The following ATP6V0D1 variants were observed in gnomAD, a reference collection of about 807,000 sequenced individuals.
ATP6V0D1 encodes the protein V-type proton ATPase subunit d 1.
A neutral mutation model predicts 39.0 loss-of-function variants in ATP6V0D1; 13 were observed. The ratio of observed to expected loss-of-function variants is 0.33; its 90% confidence interval spans 0.22 to 0.53. ATP6V0D1 has a LOEUF of 0.53. ATP6V0D1 is among the 20% of genes least tolerant of loss of function. The probability of loss-of-function intolerance (pLI) is 0.94; values close to 1 mark genes in which losing one functional copy is unlikely to be tolerated. For missense variants in ATP6V0D1, 272 were observed against 470.9 expected, an observed-to-expected ratio of 0.58 and a Z score of 3.91; for synonymous variants, 191 against 191.2, an observed-to-expected ratio of 1.00 and a Z score of 0.01.
At chr16:67,445,243 C>G (rs367954965) in intron 2 of ATP6V0D1, among the ~76,000 whole-genome samples, 1 of 152,192 alleles carries the variant, frequency 6.6e-6, no homozygotes, top group East Asian at 1.9e-4. Flanking sequence ...CAGCACGGGG[C>G]TGCAGCAGGC....
chr16:67,464,343 T>TA (rs572884951), intron 1 of ATP6V0D1, among the ~76,000 whole-genome samples: 18 of 152,132 alleles, frequency 1.2e-4, no homozygotes, highest in African/African-American at 4.3e-4. Context: ...TCAAAGAACA[T>TA]AGAGTGATTG....
chr16:67,459,283 T>A (rs552548003), intron 1 of ATP6V0D1: 1 of 985,306 alleles, frequency 1.0e-6, no homozygotes, highest in Non-Finnish European at 1.2e-6. Flanking sequence ...ACCCCCAGCC[T>A]GGAAAGTGAG....
chr16:67,477,675 GTT>G (rs201598029), intron 1 of ATP6V0D1, among the ~76,000 whole-genome samples: 9 of 147,844 alleles, frequency 6.1e-5, no homozygotes, highest in African/African-American at 2.2e-4. Context: ...ATAATAAACA[GTT>G]TTTTTTTTTT....
intron 1 of ATP6V0D1, among the ~76,000 whole-genome samples, chr16:67,457,965 C>T (rs1003925643): frequency 4.6e-5 from 7 of 152,148 alleles, no homozygotes; most frequent in African/African-American, 1.7e-4. Context: ...CCCCCAGGGA[C>T]GATGTCAAAG....
chr16:67,461,969 GA>G (rs1033582033), intron 1 of ATP6V0D1, among the ~76,000 whole-genome samples: 4 of 152,196 alleles, frequency 2.6e-5, no homozygotes. Flanking sequence ...CTGGGAGGAT[GA>G]AAGCATTTCT....
At chr16:67,473,228 G>C (rs902418363) in intron 1 of ATP6V0D1, among the ~76,000 whole-genome samples, 5 of 152,134 alleles carry the variant, frequency 3.3e-5, no homozygotes, top group Non-Finnish European at 4.4e-5. Context: ...GCTGGGGGGG[G>C]TGGCGCAGCA....
chr16:67,473,383 CT>C (rs1264255761), intron 1 of ATP6V0D1, among the ~76,000 whole-genome samples: 1 of 152,014 alleles, frequency 6.6e-6, no homozygotes, highest in African/African-American at 2.4e-5. Flanking sequence ...GAGTCTTACT[CT>C]GTCACCCAGG....
In ATP6V0D1 at chr16:67,480,943, C is replaced by T. The variant is rs758906889; in HGVS notation, c.130+14G>A. ...GGACAGCCTCTATCCCCGCCTTTCG[C>T]GGCCCCGGCTCACCCTCTAGCGTCT... On this transcript the variant is annotated intron_variant, in intron 1 of 7. Transcript: ENST00000290949. The T allele has an allele frequency of 6.2e-7, 1 of 1,613,382 alleles. No individual in the cohort carries two copies. The highest frequency in any genetic ancestry group is 1.1e-5 in the South Asian group (1 of 91,042).
At chr16:67,443,273 A>C in intron 3 of ATP6V0D1, 95 bp from the exon 4 acceptor site, 1 of 1,311,664 alleles carries the variant, frequency 7.6e-7, no homozygotes, top group Non-Finnish European at 1.1e-6. Context: ...CCCGTGCCAC[A>C]AGGCCCACAG....
chr16:67,439,494 C>A, intron 4 of ATP6V0D1, 143 bp from the exon 5 acceptor site: 1 of 730,508 alleles, frequency 1.4e-6, no homozygotes, highest in South Asian at 1.7e-5. Flanking sequence ...CCGGGGCAGC[C>A]CTTACAGCAA....
chr16:67,459,138 G>A, intron 1 of ATP6V0D1: 1 of 985,544 alleles, frequency 1.0e-6, no homozygotes, highest in East Asian at 1.1e-4. Context: ...TTGCTGGCCA[G>A]AGTGACCTTC....
At chr16:67,452,892 G>A (rs1188571888) in intron 2 of ATP6V0D1, among the ~76,000 whole-genome samples, 1 of 152,220 alleles carries the variant, frequency 6.6e-6, no homozygotes, top group African/African-American at 2.4e-5. Flanking sequence ...CCAAGGGTCA[G>A]ACAATGAAGA....
chr16:67,475,399 A>G (rs950465328), intron 1 of ATP6V0D1, among the ~76,000 whole-genome samples: 2 of 152,250 alleles, frequency 1.3e-5, no homozygotes, highest in African/African-American at 2.4e-5. Flanking sequence ...AAGAGATGTA[A>G]TGGACAGAAG....
intron 2 of ATP6V0D1, among the ~76,000 whole-genome samples, chr16:67,445,596 C>T (rs535715100): frequency 1.3e-5 from 2 of 152,322 alleles, no homozygotes; most frequent in Admixed American, 1.3e-4. Context: ...TGGATAAGAC[C>T]CAGAGACCTG....
In ATP6V0D1 at chr16:67,438,683, G is replaced by A; in HGVS notation, c.901C>T (p.Leu301=). Residue 301 remains leucine, a synonymous_variant, in exon 8 of 8, where the codon CTG becomes TTG. Coordinates refer to ENST00000290949, the MANE Select transcript of ATP6V0D1 (RefSeq NM_004691.5). ...EDRFFEHEVK[L]NKLAFLNQFH... ...TGGTTCAGGAAGGCCAACTTGTTCA[G>A]CTTTACCTGTGGACACGGGCAGATG... The A allele has an allele frequency of 6.2e-7, 1 of 1,614,232 alleles. No homozygotes were observed.
intron 1 of ATP6V0D1, among the ~76,000 whole-genome samples, chr16:67,479,213 A>T (rs993263320): frequency 1.2e-4 from 17 of 142,410 alleles, no homozygotes; most frequent in African/African-American, 4.4e-4. Context: ...TGTACTGCCG[A>T]TTTTTTTTTT....
At chr16:67,474,721 C>T (rs923091192) in intron 1 of ATP6V0D1, among the ~76,000 whole-genome samples, 2 of 152,102 alleles carry the variant, frequency 1.3e-5, no homozygotes, top group South Asian at 2.1e-4. Context: ...GTGGACACAC[C>T]GCTATCTCAA....
intron 1 of ATP6V0D1, among the ~76,000 whole-genome samples, chr16:67,460,705 G>A (rs1386448382): frequency 6.6e-6 from 1 of 151,954 alleles, no homozygotes; most frequent in Non-Finnish European, 1.5e-5. Context: ...CCGGAACCTT[G>A]GCACTATCAC....
intron 2 of ATP6V0D1, among the ~76,000 whole-genome samples, chr16:67,449,565 C>T (rs979567301): frequency 1.4e-4 from 21 of 152,250 alleles, no homozygotes; most frequent in African/African-American, 5.1e-4. Context: ...CCCTATCTCA[C>T]TCAGGCTGTC....
Sources: allele counts gnomAD v4.1 joint callset (sites outside exome capture counted in the v4.1 genomes callset), GRCh38; gene constraint gnomAD v4.1.1; transcripts MANE v1.5; gene names NCBI Gene and HGNC (gene_info 2026-07-23, HGNC 2026-07-21).